LSAMP: variants seen among roughly 807,000 people sequenced by gnomAD.
LSAMP encodes the protein limbic system associated membrane protein.
LSAMP carries 7 observed loss-of-function variants against 38.6 expected under a neutral mutation model. The ratio of observed to expected loss-of-function variants is 0.18; its 90% CI spans 0.10 to 0.34. The LOEUF (loss-of-function observed/expected upper bound fraction) is 0.34. Ranked by LOEUF, LSAMP falls within the 10% of genes least tolerant of loss-of-function variation. LSAMP has a pLI of 1.00. For missense variants in LSAMP, 313 were observed against 420.0 expected, an observed-to-expected ratio of 0.75 and a Z score of 2.23; for synonymous variants, 154 against 166.8, an observed-to-expected ratio of 0.92 and a Z score of 0.59.
intron 1 of LSAMP, among the ~76,000 whole-genome samples, chr3:116,161,582 T>C (rs369878534): frequency 1.3e-5 from 2 of 152,128 alleles, no homozygotes; most frequent in South Asian, 4.1e-4. Flanking sequence ...AATGGCTATG[T>C]TGTAGGCTTC....
chr3:116,010,558 A>T (rs1209320336), intron 3 of LSAMP, among the ~76,000 whole-genome samples: 1 of 152,210 alleles, frequency 6.6e-6, no homozygotes, highest in East Asian at 1.9e-4. Flanking sequence ...CTGATAATAA[A>T]TGGGTGATAA....
At chr3:116,108,190 G>A (rs951835985) in intron 1 of LSAMP, among the ~76,000 whole-genome samples, 2 of 152,136 alleles carry the variant, frequency 1.3e-5, no homozygotes, top group Non-Finnish European at 2.9e-5. Context: ...AGAGGAGGAT[G>A]CAAAGGAGGC....
chr3:116,144,760 C>A (rs1470483092), intron 1 of LSAMP, among the ~76,000 whole-genome samples: 1 of 151,736 alleles, frequency 6.6e-6, no homozygotes, highest in East Asian at 1.9e-4. Context: ...TTTTTTATTA[C>A]ATCTTACTTT....
At chr3:115,838,244 TTAA>T (rs1411419090) in intron 6 of LSAMP, 2 of 152,162 alleles carry the variant, frequency 1.3e-5, no homozygotes, top group South Asian at 2.1e-4. Flanking sequence ...TTGCACTCAC[TTAA>T]TAAGAAGTGA....
intron 3 of LSAMP, among the ~76,000 whole-genome samples, chr3:115,896,607 G>T (rs1936734614): frequency 6.6e-6 from 1 of 152,014 alleles, no homozygotes; most frequent in Admixed American, 6.6e-5. Flanking sequence ...TTATGAACTT[G>T]TACCATTCAT....
At chr3:116,220,640 C>T (rs1405988824) in intron 1 of LSAMP, among the ~76,000 whole-genome samples, 1 of 152,130 alleles carries the variant, frequency 6.6e-6, no homozygotes, top group Non-Finnish European at 1.5e-5. Flanking sequence ...ATGGAGCAAT[C>T]ATTACGGATT....
chr3:116,271,213 A>T (rs189798269), intron 1 of LSAMP, among the ~76,000 whole-genome samples: 23 of 152,206 alleles, frequency 1.5e-4, no homozygotes, highest in African/African-American at 4.8e-4. Flanking sequence ...ACAAGGTATC[A>T]TGCTACCATT....
intron 1 of LSAMP, among the ~76,000 whole-genome samples, chr3:116,238,276 G>A (rs1312806385): frequency 1.3e-5 from 2 of 152,070 alleles, no homozygotes; most frequent in Non-Finnish European, 2.9e-5. Flanking sequence ...ACAACATTTT[G>A]GTCTTTACTA....
chr3:115,872,967 T>C (rs1279151035), intron 3 of LSAMP, among the ~76,000 whole-genome samples: 1 of 152,192 alleles, frequency 6.6e-6, no homozygotes, highest in Non-Finnish European at 1.5e-5. Flanking sequence ...ATATGATACA[T>C]ACATACACAT....
rs61158195 is a variant in LSAMP at position 116,240,605 on chromosome 3, A to G, written c.156-154049T>C. The stretch of plus-strand genomic sequence containing the variant: ...AGATTAAAGTAAAGCCAAAGAGGAA[A>G]AATGATCCATATAGCTAGCAGCACC... On this transcript the variant is annotated intron_variant, in intron 1 of 6. Transcript: ENST00000490035. 1.7e-3 allele frequency among the ~76,000 whole-genome samples: 253 copies of G among 152,332 alleles called. 1 individual carries two copies. Among genetic ancestry groups the G allele is most frequent in the African/African-American group, 5.8e-3 (241 of 41,568 alleles).
chr3:116,428,577 T>C (rs942861622), intron 1 of LSAMP, among the ~76,000 whole-genome samples: 26 of 152,118 alleles, frequency 1.7e-4, no homozygotes, highest in Non-Finnish European at 3.2e-4. Flanking sequence ...GAGTAATACA[T>C]TTATGTTTGA....
chr3:116,020,985 C>T (rs145566543), intron 2 of LSAMP, among the ~76,000 whole-genome samples: 20 of 152,212 alleles, frequency 1.3e-4, no homozygotes, highest in African/African-American at 3.9e-4. Flanking sequence ...GACAGCCAAA[C>T]GATCCCTGCA....
At chr3:116,087,011 T>G (rs1215991341) in intron 1 of LSAMP, among the ~76,000 whole-genome samples, 1 of 152,226 alleles carries the variant, frequency 6.6e-6, no homozygotes, top group Non-Finnish European at 1.5e-5. Flanking sequence ...TCCACCATTA[T>G]AGGAATTAGA....
chr3:116,275,579 T>C (rs2047039688), intron 1 of LSAMP, among the ~76,000 whole-genome samples: 1 of 152,184 alleles, frequency 6.6e-6, no homozygotes, highest in Non-Finnish European at 1.5e-5. Context: ...TTCCGTTTTT[T>C]TTTAAACCTC....
chr3:115,888,988 A>G (rs911957460), intron 3 of LSAMP, among the ~76,000 whole-genome samples: 7 of 151,876 alleles, frequency 4.6e-5, no homozygotes, highest in Non-Finnish European at 7.4e-5. Context: ...CCACGCAGAG[A>G]GAATGGACAG....
At chr3:115,844,864 C>G (rs541109514) in intron 4 of LSAMP, among the ~76,000 whole-genome samples, 10 of 152,200 alleles carry the variant, frequency 6.6e-5, no homozygotes, top group African/African-American at 1.7e-4. Context: ...GTAGTCCCAG[C>G]TACTCGGGAA....
rs1935423324 is a variant in LSAMP at position 115,854,250 on chromosome 3, A to AT, written c.515-1634dup. On this transcript the variant is annotated intron_variant, in intron 3 of 6. Coordinates refer to ENST00000490035, the MANE Select transcript of LSAMP (RefSeq NM_002338.5). ...GAATTAGTCTATAGCATATAGTTAAATATTATTATTATTATTATTATTATT... is the reference window on the plus strand; with the variant it reads ...GAATTAGTCTATAGCATATAGTTAAATTATTATTATTATTATTATTATTATT... Among the ~76,000 whole-genome samples the AT allele has an allele frequency of 2.4e-5, 3 of 124,294 alleles. No individual in the cohort carries two copies. In the Admixed American group the frequency reaches 2.8e-4, roughly 12 times the overall value. The allele number at this position is 124,294 out of a possible 152,430, so 81.5% of individuals were successfully genotyped here. A position where few individuals can be genotyped will look rare whatever the true frequency, so the allele number is the denominator to read the frequency against.
chr3:115,944,165 C>CA, intron 3 of LSAMP, among the ~76,000 whole-genome samples: 1 of 152,204 alleles, frequency 6.6e-6, no homozygotes, highest in East Asian at 1.9e-4. Context: ...CTAGCTAAGA[C>CA]ATTTAGAATT....
At chr3:116,293,385 A>G (rs2047293123) in intron 1 of LSAMP, among the ~76,000 whole-genome samples, 1 of 152,114 alleles carries the variant, frequency 6.6e-6, no homozygotes, top group African/African-American at 2.4e-5. Flanking sequence ...ATAATGTTTT[A>G]TTTTCTATTT....
Sources: gnomAD v4.1 joint callset for allele counts (sites outside exome capture counted in the v4.1 genomes callset) on GRCh38, gnomAD v4.1.1 for gene constraint, MANE v1.5 for transcripts, NCBI Gene and HGNC (gene_info 2026-07-23, HGNC 2026-07-21) for gene names.